Variants in SH3RF3 observed in about 807,000 individuals in gnomAD.
SH3RF3 encodes E3 ubiquitin-protein ligase SH3RF3.
A neutral mutation model predicts 66.3 loss-of-function variants in SH3RF3; 29 were observed. That is an observed-to-expected ratio of 0.44 (90% CI 0.33 to 0.60). SH3RF3 has a LOEUF of 0.60. SH3RF3 is among the 20% of genes least tolerant of loss of function. The pLI is 0.04. For synonymous variants in SH3RF3, 583 were observed against 532.0 expected (o/e 1.10, Z -1.32); for missense variants, 1,194 against 1,190.9 (o/e 1.00, Z -0.04).
chr2:109,499,200 C>T (rs915676412), intron 9 of SH3RF3, among the ~76,000 whole-genome samples: 13 of 152,160 alleles, frequency 8.5e-5, no homozygotes, highest in South Asian at 2.1e-4. Context: ...TCCAGAGCCG[C>T]GGGGGCCGTG....
At chr2:109,152,262 G>A (rs1055279147) in intron 1 of SH3RF3, among the ~76,000 whole-genome samples, 1 of 152,192 alleles carries the variant, frequency 6.6e-6, no homozygotes, top group African/African-American at 2.4e-5. Context: ...CTATAATCAC[G>A]GGAGGTGGGC....
chr2:109,358,518 C>T (rs990683695), intron 2 of SH3RF3, among the ~76,000 whole-genome samples: 4 of 152,178 alleles, frequency 2.6e-5, no homozygotes, highest in Non-Finnish European at 5.9e-5. Context: ...TTCTGCCAGC[C>T]GTGAATGAGC....
At chr2:109,209,510 G>T (rs1407222329) in intron 1 of SH3RF3, among the ~76,000 whole-genome samples, 1 of 152,162 alleles carries the variant, frequency 6.6e-6, no homozygotes, top group African/African-American at 2.4e-5. Flanking sequence ...CCTGGGTACA[G>T]CAAGGGAGGC....
chr2:109,402,203 C>G (rs1273852623), intron 4 of SH3RF3, among the ~76,000 whole-genome samples: 1 of 152,252 alleles, frequency 6.6e-6, no homozygotes, highest in Non-Finnish European at 1.5e-5. Flanking sequence ...CTTCCTGGTT[C>G]CTACCACCTT....
intron 3 of SH3RF3, among the ~76,000 whole-genome samples, chr2:109,385,517 G>C (rs1052463583): frequency 6.6e-6 from 1 of 152,222 alleles, no homozygotes; most frequent in Non-Finnish European, 1.5e-5. Context: ...GGTTTCATTC[G>C]ATGTGAAGGA....
intron 3 of SH3RF3, among the ~76,000 whole-genome samples, chr2:109,375,571 A>G (rs184635208): frequency 3.3e-5 from 5 of 152,360 alleles, no homozygotes; most frequent in Admixed American, 3.3e-4. Context: ...TCAGAATTTC[A>G]GAAGGCGCTT....
intron 1 of SH3RF3, among the ~76,000 whole-genome samples, chr2:109,280,813 C>A (rs1412270220): frequency 6.6e-6 from 1 of 152,214 alleles, no homozygotes; most frequent in African/African-American, 2.4e-5. Context: ...TATTGAGCAC[C>A]TGCTGGATAA....
At chr2:109,158,773 A>C (rs1036292310) in intron 1 of SH3RF3, among the ~76,000 whole-genome samples, 2 of 152,228 alleles carry the variant, frequency 1.3e-5, no homozygotes, top group African/African-American at 4.8e-5. Context: ...TTTCAAAGCA[A>C]GTAGCAATGG....
chr2:109,206,769 T>C (rs907926745), intron 1 of SH3RF3, among the ~76,000 whole-genome samples: 2 of 152,204 alleles, frequency 1.3e-5, no homozygotes, highest in Non-Finnish European at 2.9e-5. Context: ...TGAGCTATGA[T>C]TGTGCCACTG....
At chr2:109,461,446 C>T (rs140810735) in intron 8 of SH3RF3, among the ~76,000 whole-genome samples, 3,351 of 130,996 alleles carry the variant, frequency 0.026, 31 homozygotes, top group African/African-American at 0.084. Context: ...AAGACCTGCG[C>T]GGTGATCCAC....
chr2:109,200,940 C>T (rs144805495), intron 1 of SH3RF3, among the ~76,000 whole-genome samples: 20 of 152,296 alleles, frequency 1.3e-4, no homozygotes, highest in African/African-American at 2.6e-4. Context: ...GTGCAGACCT[C>T]GCAGTGGCCC....
chr2:109,290,123 C>G (rs1438364502), intron 1 of SH3RF3, among the ~76,000 whole-genome samples: 2 of 152,150 alleles, frequency 1.3e-5, no homozygotes, highest in Non-Finnish European at 2.9e-5. Flanking sequence ...CTTTGATTAC[C>G]ACAGATATAG....
intron 1 of SH3RF3, among the ~76,000 whole-genome samples, chr2:109,344,094 C>G (rs1682624940): frequency 6.6e-6 from 1 of 152,160 alleles, no homozygotes; most frequent in African/African-American, 2.4e-5. Flanking sequence ...CCAGGCCTGA[C>G]TCAGGACTAA....
chr2:109,289,332 C>T (rs923711931), intron 1 of SH3RF3, among the ~76,000 whole-genome samples: 2 of 151,322 alleles, frequency 1.3e-5, no homozygotes, highest in African/African-American at 4.9e-5. Flanking sequence ...CCCATGCTCC[C>T]ACACAAAGGT....
At chr2:109,477,453 A>T (rs985013769) in intron 8 of SH3RF3, among the ~76,000 whole-genome samples, 1 of 152,354 alleles carries the variant, frequency 6.6e-6, no homozygotes, top group East Asian at 1.9e-4. Context: ...AAACGGGCAT[A>T]GAGTTCTCCC....
At chr2:109,375,368 G>A (rs1326467332) in intron 3 of SH3RF3, among the ~76,000 whole-genome samples, 1 of 152,234 alleles carries the variant, frequency 6.6e-6, no homozygotes, top group Non-Finnish European at 1.5e-5. Flanking sequence ...CCTGACACCT[G>A]TTCATCAGAT....
intron 1 of SH3RF3, among the ~76,000 whole-genome samples, chr2:109,239,556 G>C (rs1679729976): frequency 6.6e-6 from 1 of 152,222 alleles, no homozygotes; most frequent in African/African-American, 2.4e-5. Context: ...AGGGACACGG[G>C]GTTAGTGGGC....
In SH3RF3 at chr2:109,129,536, C is replaced by T. The variant is rs1299843161; in HGVS notation, c.-5C>T. On this transcript the variant is annotated 5_prime_UTR_variant, in exon 1 of 10. Coordinates refer to ENST00000309415, the MANE Select transcript of SH3RF3 (RefSeq NM_001099289.3). ...CCGCGCGAGACCGCTGCGGGCGCCT[C>T]CCCCATGCTGCTCGGAGCGTCCTGG... 8.0e-6 allele frequency: 12 copies of T among 1,498,308 alleles called. No homozygotes were observed. The highest frequency in any genetic ancestry group is 9.7e-6 in the Non-Finnish European group (11 of 1,130,724). 92.8% of individuals were successfully genotyped at this position (1,498,308 alleles called of 1,614,324 possible).
chr2:109,191,445 T>C (rs1678360901), intron 1 of SH3RF3, among the ~76,000 whole-genome samples: 1 of 152,152 alleles, frequency 6.6e-6, no homozygotes, highest in African/African-American at 2.4e-5. Context: ...TATAAATCAA[T>C]GTGTTTGGGT....
Sources: allele counts gnomAD v4.1 joint callset (sites outside exome capture counted in the v4.1 genomes callset), GRCh38; gene constraint gnomAD v4.1.1; transcripts MANE v1.5; gene names NCBI Gene and HGNC (gene_info 2026-07-23, HGNC 2026-07-21).